FERRY3: variants seen among roughly 807,000 people sequenced by gnomAD.
FERRY3 encodes FERRY endosomal RAB5 effector complex subunit 3, also known as protein C12orf4.
the FERRY3 span, chr12:4,491,248 C>G: frequency 1.2e-6 from 2 of 1,606,676 alleles, no homozygotes; most frequent in Admixed American, 1.7e-5. Context: ...AAAACAGAAA[C>G]AAAACATAAG....
chr12:4,499,623 T>C, the FERRY3 span, among the ~76,000 whole-genome samples: 1 of 152,232 alleles, frequency 6.6e-6, no homozygotes, highest in Non-Finnish European at 1.5e-5. Flanking sequence ...CTGTATTAGC[T>C]AAAAGGAACC....
chr12:4,500,206 T>C, the FERRY3 span: 1 of 1,614,104 alleles, frequency 6.2e-7, no homozygotes. Flanking sequence ...CAGCAAACTT[T>C]GAGTATATTT....
the FERRY3 span, chr12:4,488,089 A>G: frequency 1.3e-5 from 2 of 152,192 alleles, no homozygotes; most frequent in African/African-American, 4.8e-5. This position sits in a 1 kb window ranked among gnomAD's most constrained non-coding sequence, Gnocchi z 4.9. Flanking sequence ...GATTCTTCCA[A>G]TTTTACTACT....
chr12:4,499,377 ACTGGCTCT>A, the FERRY3 span, among the ~76,000 whole-genome samples: 1 of 152,176 alleles, frequency 6.6e-6, no homozygotes, highest in Non-Finnish European at 1.5e-5. Flanking sequence ...CAAGTTGAGC[ACTGGCTCT>A]CCTATGACTT....
the FERRY3 span, among the ~76,000 whole-genome samples, chr12:4,520,059 C>T: frequency 6.6e-6 from 1 of 152,228 alleles, no homozygotes; most frequent in Non-Finnish European, 1.5e-5. Flanking sequence ...GGAGTTTCAT[C>T]TTTGTTACAG....
the FERRY3 span, among the ~76,000 whole-genome samples, chr12:4,507,475 T>A: frequency 0.058 from 8,808 of 152,198 alleles, 425 homozygotes; most frequent in South Asian, 0.25. Context: ...TACAGAGTAA[T>A]CGCCAATACT....
chr12:4,532,343 C>T, the FERRY3 span, among the ~76,000 whole-genome samples: 1 of 152,118 alleles, frequency 6.6e-6, no homozygotes, highest in African/African-American at 2.4e-5. Flanking sequence ...AAACGCTGTC[C>T]TATAAAATCT....
At chr12:4,490,273 AAAAC>A in the FERRY3 span, among the ~76,000 whole-genome samples, 4 of 152,222 alleles carry the variant, frequency 2.6e-5, no homozygotes, top group Admixed American at 2.0e-4. Flanking sequence ...AATGTGGAGA[AAAAC>A]AAAGGAATGA....
the FERRY3 span, among the ~76,000 whole-genome samples, chr12:4,517,452 T>C: frequency 6.6e-6 from 1 of 151,876 alleles, no homozygotes; most frequent in East Asian, 1.9e-4. Flanking sequence ...CTTTAAATAA[T>C]ACTTTCATCA....
chr12:4,519,299 A>T, the FERRY3 span, among the ~76,000 whole-genome samples: 3 of 151,852 alleles, frequency 2.0e-5, no homozygotes, highest in Non-Finnish European at 4.4e-5. The surrounding 1 kb of genome is among the most constrained non-coding windows in gnomAD (Gnocchi z 4.3). Flanking sequence ...ATTTAAAGTC[A>T]AATAAAGTAG....
At chr12:4,517,051 T>A in the FERRY3 span, 4 of 1,530,672 alleles carry the variant, frequency 2.6e-6, no homozygotes, top group Non-Finnish European at 3.5e-6. Context: ...TAAAAGTGAG[T>A]TTTACCCACC....
chr12:4,535,287 C>G, the FERRY3 span, among the ~76,000 whole-genome samples: 1 of 152,202 alleles, frequency 6.6e-6, no homozygotes, highest in African/African-American at 2.4e-5. The surrounding 1 kb of genome is among the most constrained non-coding windows in gnomAD (Gnocchi z 4.0). Flanking sequence ...ACCCTAGTTT[C>G]TGATTCAGCA....
chr12:4,535,970 T>C, the FERRY3 span: 14 of 1,415,540 alleles, frequency 9.9e-6, no homozygotes, highest in African/African-American at 1.5e-5. This position sits in a 1 kb window ranked among gnomAD's most constrained non-coding sequence, Gnocchi z 4.0. Flanking sequence ...TGACAGACTA[T>C]TGAAACTAAT....
the FERRY3 span, among the ~76,000 whole-genome samples, chr12:4,510,855 A>G: frequency 5.9e-5 from 9 of 151,738 alleles, no homozygotes; most frequent in Non-Finnish European, 1.0e-4. Context: ...CAAAATCACC[A>G]GCTAACATCA....
At chr12:4,531,921 T>A in the FERRY3 span, among the ~76,000 whole-genome samples, 1 of 151,608 alleles carries the variant, frequency 6.6e-6, no homozygotes, top group Non-Finnish European at 1.5e-5. Context: ...TACTGTGGAG[T>A]CCCAATTAGG....
chr12:4,505,418 A>G, the FERRY3 span: 1 of 1,382,276 alleles, frequency 7.2e-7, no homozygotes, highest in Non-Finnish European at 1.0e-6. Context: ...GAACATAACA[A>G]CATATGAGAA....
At chr12:4,500,688 C>T in the FERRY3 span, among the ~76,000 whole-genome samples, 1 of 152,144 alleles carries the variant, frequency 6.6e-6, no homozygotes, top group Non-Finnish European at 1.5e-5. Context: ...GAGTCTTACT[C>T]TGTCACCAAG....
At chr12:4,502,312 T>C in the FERRY3 span, 3 of 402,534 alleles carry the variant, frequency 7.5e-6, no homozygotes, top group Non-Finnish European at 9.6e-6. The surrounding 1 kb of genome is among the most constrained non-coding windows in gnomAD (Gnocchi z 4.2). Context: ...GAACAGCACC[T>C]GGCACGTAGA....
At chr12:4,502,123 T>C in the FERRY3 span, among the ~76,000 whole-genome samples, 8 of 152,224 alleles carry the variant, frequency 5.3e-5, no homozygotes, top group Non-Finnish European at 1.5e-5. The surrounding 1 kb of genome is among the most constrained non-coding windows in gnomAD (Gnocchi z 4.2). Context: ...AGAAAGGTCT[T>C]CCTTGACTAT....
Sources: gnomAD v4.1 joint callset for allele counts (sites outside exome capture counted in the v4.1 genomes callset) on GRCh38, gnomAD v4.1.1 for gene constraint, Gnocchi (gnomAD v3.1) non-coding constraint, MANE v1.5 for transcripts, NCBI Gene and HGNC (gene_info 2026-07-23, HGNC 2026-07-21) for gene names.